NAV2: variants seen among roughly 807,000 people sequenced by gnomAD.
NAV2 encodes helicase, APC down-regulated 1.
A neutral mutation model predicts 223.2 loss-of-function variants in NAV2; 54 were observed. The ratio of observed to expected loss-of-function variants is 0.24; its 90% CI spans 0.19 to 0.30. NAV2 has a LOEUF of 0.30. Ranked by LOEUF, NAV2 falls within the 10% of genes least tolerant of loss-of-function variation. The pLI is 1.00. For missense variants in NAV2, 2,806 were observed against 3,147.5 expected (o/e 0.89, Z 2.60); for synonymous variants, 1,279 against 1,239.3 (o/e 1.03, Z -0.67).
chr11:19,350,690 G>A (rs72902157), upstream of NAV2: 7,655 of 499,608 alleles, frequency 0.015, 93 homozygotes, highest in Non-Finnish European at 0.021. Flanking sequence ...CATGAAGCGA[G>A]TCTCAGACCT....
intron 1 of NAV2, among the ~76,000 whole-genome samples, chr11:19,413,910 C>G (rs7396638): frequency 0.7 from 106,116 of 152,008 alleles, 37,110 homozygotes; most frequent in Admixed American, 0.72. Context: ...TTATAAGATT[C>G]TGAAGGAAGC....
chr11:19,885,507 CATTGAATTCTT>C (rs1385914886), intron 5 of NAV2, among the ~76,000 whole-genome samples: 18 of 152,322 alleles, frequency 1.2e-4, no homozygotes, highest in Admixed American at 3.9e-4. Flanking sequence ...ATTTATTTTT[CATTGAATTCTT>C]ATTGAATTCT....
intron 1 of NAV2, among the ~76,000 whole-genome samples, chr11:19,715,850 T>C (rs147156143): frequency 6.6e-6 from 1 of 152,206 alleles, no homozygotes; most frequent in Non-Finnish European, 1.5e-5. Flanking sequence ...ATAGTTTGGA[T>C]GGACTGCTAA....
intron 32 of NAV2, among the ~76,000 whole-genome samples, chr11:20,101,714 CAA>C (rs2061655810): frequency 6.6e-6 from 1 of 152,112 alleles, no homozygotes. Flanking sequence ...AAGCTCAAGT[CAA>C]AGTCTTGGAC....
intron 1 of NAV2, among the ~76,000 whole-genome samples, chr11:19,359,433 A>T (rs977016013): frequency 6.6e-6 from 1 of 152,198 alleles, no homozygotes; most frequent in Non-Finnish European, 1.5e-5. Flanking sequence ...CTGATCATTT[A>T]TAGGTAAGAT....
At chr11:20,092,157 T>G (rs1016783781) in intron 27 of NAV2, 49 bp from the exon 28 acceptor site, 4 of 1,573,472 alleles carry the variant, frequency 2.5e-6, no homozygotes, top group Non-Finnish European at 3.5e-6. Flanking sequence ...AAAAATCTTG[T>G]TCACATTACT....
chr11:19,697,135 G>A (rs2049366114), intron 1 of NAV2, among the ~76,000 whole-genome samples: 1 of 152,214 alleles, frequency 6.6e-6, no homozygotes. Flanking sequence ...GCAGCAAATG[G>A]GTGGAGCTGG....
intron 1 of NAV2, among the ~76,000 whole-genome samples, chr11:19,729,747 C>T (rs1161470460): frequency 6.6e-6 from 1 of 152,172 alleles, no homozygotes; most frequent in Non-Finnish European, 1.5e-5. Context: ...GGGGCCACAG[C>T]TGAATCTCAG....
intron 1 of NAV2, among the ~76,000 whole-genome samples, chr11:19,764,256 A>G (rs1394074255): frequency 6.6e-6 from 1 of 152,238 alleles, no homozygotes; most frequent in Non-Finnish European, 1.5e-5. Context: ...ATAAGCATGC[A>G]TTTTATAATT....
At chr11:19,485,947 G>A (rs1374229696) in intron 1 of NAV2, among the ~76,000 whole-genome samples, 1 of 152,230 alleles carries the variant, frequency 6.6e-6, no homozygotes, top group Non-Finnish European at 1.5e-5. Context: ...GAGAAAAGAG[G>A]CTGGGCAGAA....
At chr11:20,032,171 T>C (rs1475241323) in intron 11 of NAV2, among the ~76,000 whole-genome samples, 3 of 152,232 alleles carry the variant, frequency 2.0e-5, no homozygotes, top group African/African-American at 7.2e-5. Context: ...CAGACAGCTC[T>C]GGCAAATATC....
chr11:19,461,853 TGGA>T (rs1326656694), intron 1 of NAV2, among the ~76,000 whole-genome samples: 1 of 152,178 alleles, frequency 6.6e-6, no homozygotes, highest in Non-Finnish European at 1.5e-5. Context: ...TAGACTGTGC[TGGA>T]GTGCAGTGGC....
At chr11:19,750,529 G>A (rs1485920100) in intron 1 of NAV2, among the ~76,000 whole-genome samples, 2 of 152,160 alleles carry the variant, frequency 1.3e-5, no homozygotes, top group African/African-American at 2.4e-5. Context: ...AGTGAGATAT[G>A]GCTAACTCTA....
At chr11:19,367,266 C>T (rs1200873830) in intron 1 of NAV2, among the ~76,000 whole-genome samples, 1 of 152,144 alleles carries the variant, frequency 6.6e-6, no homozygotes, top group Admixed American at 6.5e-5. Flanking sequence ...TCTGAGAAAC[C>T]TTCTCTGCCT....
intron 8 of NAV2, among the ~76,000 whole-genome samples, chr11:19,943,149 A>G (rs963113225): frequency 1.3e-5 from 2 of 152,170 alleles, no homozygotes; most frequent in African/African-American, 2.4e-5. Flanking sequence ...TTCATAATCA[A>G]TATTTTCTAA....
chr11:19,998,430 A>G lies in NAV2; in HGVS notation c.2768+14183A>G, dbSNP rs1298374995. On this transcript the variant is annotated intron_variant, in intron 11 of 37. Transcript: ENST00000349880. The surrounding 1 kb of genome is among the most constrained non-coding windows in gnomAD (Gnocchi z 5.0). ...CCTTCATGCGGTACGTTCTCCACCC[A>G]GAAGCTATTGTAACCTTAACATATA... Among the ~76,000 whole-genome samples the G allele has an allele frequency of 2.6e-5, 4 of 152,060 alleles. No individual in the cohort carries two copies. The highest frequency in any genetic ancestry group is 7.2e-5 in the African/African-American group (3 of 41,422).
intron 4 of NAV2, among the ~76,000 whole-genome samples, chr11:19,873,936 T>C (rs1445392410): frequency 6.6e-6 from 1 of 152,124 alleles, no homozygotes; most frequent in Non-Finnish European, 1.5e-5. Flanking sequence ...TGCTGCAGAA[T>C]CCACAGTCCT....
At chr11:20,107,898 C>A in intron 36 of NAV2, 116 bp downstream of exon 36, 1 of 739,662 alleles carries the variant, frequency 1.4e-6, no homozygotes, top group Non-Finnish European at 2.3e-6. Flanking sequence ...GACAACCCCT[C>A]ACCTGGGAGT....
At position 19,939,347 on chromosome 11, in the gene NAV2, G is replaced by A. The variant is rs963629380; in HGVS notation, c.2034-314G>A. Among the ~76,000 whole-genome samples, 7 of 152,216 alleles carry A rather than the reference G, an allele frequency of 4.6e-5. 1 individual carries two copies. Among genetic ancestry groups the A allele is most frequent in the Admixed American group, 2.6e-4 (4 of 15,280 alleles). On this transcript the variant is annotated intron_variant, in intron 7 of 37. Transcript: ENST00000349880. ...TAGGTTAAATTATTCAAATCACCCC[G>A]TACCCTCCAGCATGTGTCTGGCTAG...
Sources: gnomAD v4.1 joint callset for allele counts (sites outside exome capture counted in the v4.1 genomes callset) on GRCh38, gnomAD v4.1.1 for gene constraint, Gnocchi (gnomAD v3.1) non-coding constraint, MANE v1.5 for transcripts, NCBI Gene and HGNC (gene_info 2026-07-23, HGNC 2026-07-21) for gene names.